The following NFS1 variants were observed in gnomAD, a reference collection of about 807,000 sequenced individuals.
NFS1 encodes the protein cysteine desulfurase.
Under a neutral mutation model 57.3 loss-of-function variants are expected in NFS1, and 26 were observed. The ratio of observed to expected loss-of-function variants is 0.45; its 90% confidence interval spans 0.33 to 0.63. The LOEUF (loss-of-function observed/expected upper bound fraction) is 0.63, where lower values mean the gene tolerates loss of function less well. NFS1 is among the 20% of genes least tolerant of loss of function. The pLI, the probability that NFS1 is intolerant of heterozygous loss-of-function variation, is 0.02. For missense variants in NFS1, 505 were observed against 605.8 expected, an observed-to-expected ratio of 0.83 and a Z score of 1.75; for synonymous variants, 209 against 216.3, an observed-to-expected ratio of 0.97 and a Z score of 0.30.
chr20:35,693,685 C>T (rs1298328738), intron 4 of NFS1, among the ~76,000 whole-genome samples: 9 of 151,986 alleles, frequency 5.9e-5, no homozygotes, highest in Non-Finnish European at 7.4e-5. Flanking sequence ...AATAACAGGC[C>T]GGGCGCGGTG....
At chr20:35,696,327 T>C in intron 4 of NFS1, 50 bp downstream of exon 4, 1 of 1,231,660 alleles carries the variant, frequency 8.1e-7, no homozygotes, top group South Asian at 1.2e-5. Flanking sequence ...AGGGACACTA[T>C]CTCCTAGGTC....
intron 7 of NFS1, among the ~76,000 whole-genome samples, chr20:35,676,758 G>GAA (rs746820595): frequency 0.02 from 361 of 18,108 alleles, 14 homozygotes; most frequent in African/African-American, 0.052. Flanking sequence ...GAGAAAATCA[G>GAA]AAAAAAAAAA....
chr20:35,682,054 T>TA (rs1441592489), intron 5 of NFS1, 73 bp from the exon 6 acceptor site: 1 of 828,058 alleles, frequency 1.2e-6, no homozygotes, highest in East Asian at 2.6e-5. Context: ...TAGGCAAACT[T>TA]AGTCATGAAA....
At chr20:35,697,839 C>T (rs1338590163) in intron 2 of NFS1, 39 bp from the exon 3 acceptor site, 2 of 1,440,364 alleles carry the variant, frequency 1.4e-6, no homozygotes, top group African/African-American at 1.4e-5. Context: ...TTGAGCGCAT[C>T]GTCAATTCAG....
rs974582154 is a variant in NFS1, at chr20:35,675,207, G to C, written c.791-5C>G. ...GGATGTAGATGGCACCAACCCCTGGGAAACAAAATTTGTTACAAAAAACAG... is the reference window on the plus strand; with the variant it reads ...GGATGTAGATGGCACCAACCCCTGGCAAACAAAATTTGTTACAAAAAACAG... On this transcript the variant is annotated splice_polypyrimidine_tract_variant and splice_region_variant and intron_variant, in intron 7 of 12. Transcript: ENST00000374092. The C allele has an allele frequency of 2.8e-5, 45 of 1,583,464 alleles. No homozygotes were observed. The highest frequency in any genetic ancestry group is 3.6e-5 in the Non-Finnish European group (42 of 1,163,384).
At chr20:35,684,232 C>T (rs775358657) in intron 5 of NFS1, among the ~76,000 whole-genome samples, 1 of 151,486 alleles carries the variant, frequency 6.6e-6, no homozygotes, top group Non-Finnish European at 1.5e-5. Context: ...ACAGTGAAAC[C>T]CCATCTCTAA....
chr20:35,673,067 C>G (rs560584675), intron 11 of NFS1, among the ~76,000 whole-genome samples: 62 of 152,250 alleles, frequency 4.1e-4, no homozygotes, highest in African/African-American at 1.4e-3. Context: ...GTGGACAGAT[C>G]ACATGAGGTT....
chr20:35,673,988 C>T, intron 10 of NFS1: 1 of 444,280 alleles, frequency 2.3e-6, no homozygotes, highest in South Asian at 2.4e-5. Context: ...GTGCTCACTT[C>T]CCCAGGACGT....
chr20:35,668,614 C>G lies in NFS1; in HGVS notation c.*1008G>C, dbSNP rs957224469. On this transcript the variant is annotated 3_prime_UTR_variant, in exon 13 of 13. Coordinates refer to ENST00000374092, the MANE Select transcript of NFS1 (RefSeq NM_021100.5). Reference sequence around the variant, plus strand: ...TATAAGCACTACCTCCTCAGAAAAACTTTCCTCAAACACCCAGCATGGTAG... The same window carrying G: ...TATAAGCACTACCTCCTCAGAAAAAGTTTCCTCAAACACCCAGCATGGTAG... 6.6e-6 allele frequency: 1 copy of G among 152,194 alleles called. No homozygotes were observed. Among genetic ancestry groups the G allele is most frequent in the African/African-American group, 2.4e-5 (1 of 41,444 alleles). The allele number at this position is 152,194 out of a possible 1,614,324, so 9.4% of individuals were successfully genotyped here.
At chr20:35,677,395 G>C (rs1169477732) in intron 7 of NFS1, among the ~76,000 whole-genome samples, 5 of 151,920 alleles carry the variant, frequency 3.3e-5, no homozygotes, top group Non-Finnish European at 7.4e-5. Context: ...ACTTAGCTGG[G>C]CATGGTGGCA....
At chr20:35,692,531 A>AC (rs1347119826) in intron 4 of NFS1, among the ~76,000 whole-genome samples, 1 of 126,504 alleles carries the variant, frequency 7.9e-6, no homozygotes, top group Non-Finnish European at 1.7e-5. Context: ...CTATACTAAA[A>AC]AAAAAAAAAA....
At chr20:35,678,192 C>CA (rs536417063) in intron 7 of NFS1, among the ~76,000 whole-genome samples, 232 of 135,096 alleles carry the variant, frequency 1.7e-3, no homozygotes, top group Non-Finnish European at 2.1e-3. Flanking sequence ...TACAAAAATA[C>CA]AAAAAAAAAA....
At chr20:35,673,748 TCA>T in intron 10 of NFS1, 64 bp from the exon 11 acceptor site, 1 of 1,327,766 alleles carries the variant, frequency 7.5e-7, no homozygotes, top group South Asian at 1.2e-5. Context: ...TCACAAACCC[TCA>T]GTCTTGTTCC....
At chr20:35,687,047 G>T (rs1213179994) in intron 5 of NFS1, among the ~76,000 whole-genome samples, 1 of 152,198 alleles carries the variant, frequency 6.6e-6, no homozygotes, top group East Asian at 1.9e-4. Flanking sequence ...TGGTCTAGCG[G>T]TAACGCCAGC....
chr20:35,688,867 T>C (rs2034991428), intron 5 of NFS1, among the ~76,000 whole-genome samples: 1 of 151,736 alleles, frequency 6.6e-6, no homozygotes, highest in Non-Finnish European at 1.5e-5. Context: ...TATAAGGAAA[T>C]GGCCATAGAT....
chr20:35,680,869 G>T lies in NFS1; in HGVS notation c.658C>A (p.Arg220=). Residue 220 remains arginine (R), a splice_region_variant and synonymous_variant, in exon 7 of 13, where the codon CGG becomes AGG. Coordinates refer to ENST00000374092, the MANE Select transcript of NFS1 (RefSeq NM_021100.5). ...GVKQPIAEIG[R]ICSSRKVYFH... ...TATACCTTTCTGGAACTGCAAATCC[G>T]CCCTGAGGAAACAGAGGGGAAGACC... The T allele has an allele frequency of 6.6e-7, 1 of 1,510,888 alleles. No individual in the cohort carries two copies. Among genetic ancestry groups the T allele is most frequent in the Non-Finnish European group, 8.9e-7 (1 of 1,128,258 alleles). The allele number at this position is 1,510,888 out of a possible 1,614,324, so 93.6% of individuals were successfully genotyped here. A position where few individuals can be genotyped will look rare whatever the true frequency, so the allele number is the denominator to read the frequency against.
intron 5 of NFS1, among the ~76,000 whole-genome samples, chr20:35,683,522 T>TTGG (rs2034885913): frequency 6.6e-6 from 1 of 150,628 alleles, no homozygotes; most frequent in African/African-American, 2.4e-5. Context: ...GGCTCACACC[T>TTGG]GTAATCCAAG....
At chr20:35,670,207 AC>A in intron 12 of NFS1, among the ~76,000 whole-genome samples, 1 of 152,236 alleles carries the variant, frequency 6.6e-6, no homozygotes, top group East Asian at 1.9e-4. Flanking sequence ...GGTATGCTGT[AC>A]CCTTACCCAG....
At chr20:35,679,174 T>C (rs752757652) in intron 7 of NFS1, among the ~76,000 whole-genome samples, 20 of 152,114 alleles carry the variant, frequency 1.3e-4, no homozygotes, top group Admixed American at 5.2e-4. Flanking sequence ...ACAGGAGGTA[T>C]ATATATTATG....
Sources: allele counts gnomAD v4.1 joint callset (sites outside exome capture counted in the v4.1 genomes callset), GRCh38; gene constraint gnomAD v4.1.1; transcripts MANE v1.5; gene names NCBI Gene and HGNC (gene_info 2026-07-23, HGNC 2026-07-21).